The following TFIP11 variants were observed in gnomAD, a reference collection of about 807,000 sequenced individuals.
TFIP11 encodes tuftelin interacting protein 11.
TFIP11 carries 86 observed loss-of-function variants against 96.8 expected under a neutral mutation model. The ratio of observed to expected loss-of-function variants is 0.89; its 90% CI spans 0.75 to 1.06. The LOEUF is 1.06. Ranked by LOEUF, TFIP11 falls within the 50% of genes least tolerant of loss-of-function variation. TFIP11 has a pLI of 0.00. For synonymous variants in TFIP11, 405 were observed against 395.2 expected (o/e 1.02, Z -0.29); for missense variants, 881 against 1,076.7 (o/e 0.82, Z 2.54).
chr22:26,501,785 CAAAAAAAAA>C, intron 8 of TFIP11, 106 bp downstream of exon 8: 3 of 259,808 alleles, frequency 1.2e-5, no homozygotes, highest in South Asian at 5.2e-5. Flanking sequence ...AGCAAGGTAC[CAAAAAAAAA>C]AAAAAAAAAA....
intron 10 of TFIP11, among the ~76,000 whole-genome samples, chr22:26,497,654 G>A (rs1922226968): frequency 6.6e-6 from 1 of 152,184 alleles, no homozygotes; most frequent in Non-Finnish European, 1.5e-5. Flanking sequence ...AAGGCAGGCG[G>A]ATCACGAGGT....
chr22:26,499,496 G>C lies in TFIP11; in HGVS notation c.937C>G (p.Pro313Ala), dbSNP rs1602209498. 1.2e-6 allele frequency: 2 copies of C among 1,614,192 alleles called. No homozygotes were observed. The highest frequency in any genetic ancestry group is 4.5e-5 in the East Asian group (2 of 44,890). ...LPQSGKEAKA[P>A]GFALPELEHN... ...TCCAGCTCGGGCAGCGCGAAGCCGG[G>C]GGCCTTGGCCTCTTTGCCAGACTGT... The change falls in exon 9 of 15, where the codon CCC (proline) becomes GCC (alanine). Residue 313 changes from proline to alanine, a missense_variant. Transcript: ENST00000407690.
intron 4 of TFIP11, among the ~76,000 whole-genome samples, chr22:26,509,313 A>C (rs1923780836): frequency 1.3e-5 from 2 of 152,106 alleles, no homozygotes; most frequent in Non-Finnish European, 2.9e-5. Context: ...TTCTACTGTC[A>C]GTCATATCAG....
chr22:26,504,824 C>T (rs1923211827), intron 6 of TFIP11, among the ~76,000 whole-genome samples: 1 of 152,060 alleles, frequency 6.6e-6, no homozygotes. Context: ...ACCTATAATC[C>T]CAGCACTTTG....
At chr22:26,506,742 T>G (rs1363279883) in intron 5 of TFIP11, 33 bp downstream of exon 5, 1 of 1,612,688 alleles carries the variant, frequency 6.2e-7, no homozygotes, top group Non-Finnish European at 8.5e-7. Flanking sequence ...TTGAAGGATA[T>G]TCCTAGGGTC....
At chr22:26,511,901 C>T (rs1924109856) in intron 2 of TFIP11, 198 bp downstream of exon 2, 1 of 152,180 alleles carries the variant, frequency 6.6e-6, no homozygotes, top group African/African-American at 2.4e-5. Flanking sequence ...AATACCACTG[C>T]CTGCGTGGGC....
chr22:26,494,644 G>T, intron 13 of TFIP11, 153 bp downstream of exon 13: 1 of 1,072,682 alleles, frequency 9.3e-7, no homozygotes, highest in Non-Finnish European at 1.3e-6. Context: ...TCCAATAAAT[G>T]GTGCCCACTA....
chr22:26,501,315 T>G (rs1922755963), intron 8 of TFIP11, among the ~76,000 whole-genome samples: 1 of 152,204 alleles, frequency 6.6e-6, no homozygotes, highest in South Asian at 2.1e-4. Flanking sequence ...CAGAGAGAGT[T>G]AATACAACCT....
chr22:26,500,868 T>G (rs549723416), intron 8 of TFIP11, among the ~76,000 whole-genome samples: 2 of 147,388 alleles, frequency 1.4e-5, no homozygotes, highest in African/African-American at 5.0e-5. Flanking sequence ...CTTGGAAAAG[T>G]AACGGAAAAC....
rs567860409 is a variant in TFIP11, at chr22:26,499,284, G to A, written c.1149C>T (p.Cys383=). 8.7e-6 allele frequency: 14 copies of A among 1,613,728 alleles called. No individual in the cohort carries two copies. Among genetic ancestry groups the A allele is most frequent in the Admixed American group, 6.7e-5 (4 of 60,004 alleles). ...LSKVLEMVEE[C]ERRMQPDCSN... ...TGCAGTCGGGCTGCATCCGCCGCTC[G>A]CACTCCTCCACCATCTCCAGGACCT... The change falls in exon 9 of 15, where the codon TGC becomes TGT. Residue 383 remains cysteine (C), a synonymous_variant. Coordinates refer to ENST00000407690, the MANE Select transcript of TFIP11 (RefSeq NM_012143.4).
chr22:26,497,298 T>C (rs1351937950), intron 10 of TFIP11, among the ~76,000 whole-genome samples: 1 of 152,238 alleles, frequency 6.6e-6, no homozygotes, highest in East Asian at 1.9e-4. Context: ...TGCAGTTCTC[T>C]ATCGCTGTAC....
At chr22:26,496,515 A>C (rs1410220320) in intron 11 of TFIP11, among the ~76,000 whole-genome samples, 199 bp from the exon 12 acceptor site, 1 of 152,168 alleles carries the variant, frequency 6.6e-6, no homozygotes, top group Non-Finnish European at 1.5e-5. Flanking sequence ...TTTAGTGACA[A>C]AATCAAGAAA....
In TFIP11 at chr22:26,499,498, G is replaced by C; in HGVS notation, c.935C>G (p.Ala312Gly). The stretch of plus-strand genomic sequence containing the variant: ...CAGCTCGGGCAGCGCGAAGCCGGGG[G>C]CCTTGGCCTCTTTGCCAGACTGTGG... ...QLPQSGKEAK[A>G]PGFALPELEH... Residue 312 changes from alanine to glycine, a missense_variant, in exon 9 of 15, where the codon GCC becomes GGC. Ala to Gly is a moderately conservative substitution (Grantham distance 60). Coordinates refer to ENST00000407690, the MANE Select transcript of TFIP11 (RefSeq NM_012143.4). 6.2e-7 allele frequency: 1 copy of C among 1,614,208 alleles called. No homozygotes were observed.
chr22:26,491,341 A>G lies in TFIP11; in HGVS notation c.*672T>C, dbSNP rs1921146613. On this transcript the variant is annotated 3_prime_UTR_variant, in exon 15 of 15. Transcript: ENST00000407690. ...TGTGCAAAAGCATTTAAATCAAAATACCCTATTTGTTATTTTTTTAAAAAG... is the reference window on the plus strand; with the variant it reads ...TGTGCAAAAGCATTTAAATCAAAATGCCCTATTTGTTATTTTTTTAAAAAG... The G allele has an allele frequency of 2.4e-6, 2 of 846,038 alleles. No individual in the cohort carries two copies. The highest frequency in any genetic ancestry group is 3.7e-6 in the Non-Finnish European group (2 of 535,662). 52.4% of individuals were successfully genotyped at this position (846,038 alleles called of 1,614,324 possible).
chr22:26,503,610 C>G, intron 7 of TFIP11, 56 bp downstream of exon 7: 1 of 1,595,954 alleles, frequency 6.3e-7, no homozygotes, highest in Non-Finnish European at 8.5e-7. Flanking sequence ...GATAAATGAA[C>G]AGCCATTAGA....
At position 26,491,613 on chromosome 22, in the gene TFIP11, G is replaced by T; in HGVS notation, c.*400C>A. ...GTTTCGGGAAGAACCAGATTATCAG[G>T]ACTGTGAGGACCTTGAAATCATCAG... On this transcript the variant is annotated 3_prime_UTR_variant, in exon 15 of 15. Coordinates refer to ENST00000407690, the MANE Select transcript of TFIP11 (RefSeq NM_012143.4). 1 of 1,614,078 alleles carries T rather than the reference G, an allele frequency of 6.2e-7. No homozygotes were observed. The highest frequency in any genetic ancestry group is 8.5e-7 in the Non-Finnish European group (1 of 1,180,050).
chr22:26,495,099 G>A (rs953642734), intron 12 of TFIP11, among the ~76,000 whole-genome samples, 160 bp from the exon 13 acceptor site: 14 of 151,412 alleles, frequency 9.2e-5, no homozygotes, highest in African/African-American at 3.2e-4. Flanking sequence ...GTAGCTGGGA[G>A]TACAGGTGTG....
In TFIP11 at chr22:26,506,307, T is replaced by G. The variant is rs1450346961; in HGVS notation, c.516A>C (p.Ala172=). 6.2e-7 allele frequency: 1 copy of G among 1,605,686 alleles called. No individual in the cohort carries two copies. The highest frequency in any genetic ancestry group is 1.3e-5 in the African/African-American group (1 of 74,356). Residue 172 remains alanine, a synonymous_variant, in exon 6 of 15, where the codon GCA becomes GCC. Coordinates refer to ENST00000407690, the MANE Select transcript of TFIP11 (RefSeq NM_012143.4). ...AAGACGACAAAGGTGCAATACCTTG[T>G]GCATTCTTCCCGAGGCCCCGTCCAG... is the stretch of plus-strand genomic sequence containing the variant. ...YVPGRGLGKN[A]QGIINPIEAK... is the part of the protein sequence containing the mutation.
At chr22:26,501,834 T>G in intron 8 of TFIP11, 66 bp downstream of exon 8, 4 of 664,190 alleles carry the variant, frequency 6.0e-6, no homozygotes, top group Non-Finnish European at 8.7e-6. Context: ...CAAAAAACCC[T>G]CGAACATGTT....
Sources: gnomAD v4.1 joint callset for allele counts (sites outside exome capture counted in the v4.1 genomes callset) on GRCh38, gnomAD v4.1.1 for gene constraint, MANE v1.5 for transcripts, NCBI Gene and HGNC (gene_info 2026-07-23, HGNC 2026-07-21) for gene names.